Variants in CEP162 observed in about 807,000 individuals in gnomAD.
CEP162 encodes the protein centrosomal protein of 162 kDa.
CEP162 carries 141 observed loss-of-function variants against 169.2 expected under a neutral mutation model. That is an observed-to-expected ratio of 0.83 (90% CI 0.73 to 0.96). The LOEUF is 0.96. CEP162 is among the 40% of genes least tolerant of loss of function. The pLI is 0.00. For missense variants in CEP162, 1,600 were observed against 1,587.2 expected (o/e 1.01, Z -0.14); for synonymous variants, 540 against 526.4 (o/e 1.03, Z -0.35).
chr6:84,158,398 C>T (rs1290095210), intron 21 of CEP162, among the ~76,000 whole-genome samples: 3 of 152,020 alleles, frequency 2.0e-5, no homozygotes, highest in Non-Finnish European at 4.4e-5. Flanking sequence ...TTAAGAGTGC[C>T]CAGCATATAG....
At chr6:84,163,912 C>G (rs1249759543) in intron 18 of CEP162, among the ~76,000 whole-genome samples, 1 of 151,076 alleles carries the variant, frequency 6.6e-6, no homozygotes, top group Non-Finnish European at 1.5e-5. Flanking sequence ...TCAGAGTGAA[C>G]AGGCAACCTA....
intron 6 of CEP162, among the ~76,000 whole-genome samples, chr6:84,207,881 T>A (rs997877820): frequency 2.6e-5 from 4 of 152,158 alleles, no homozygotes; most frequent in African/African-American, 9.7e-5. Context: ...CCAAAGAATC[T>A]TGAATTACCT....
chr6:84,133,668 C>T (rs956221555), intron 25 of CEP162, among the ~76,000 whole-genome samples: 7 of 152,176 alleles, frequency 4.6e-5, no homozygotes, highest in African/African-American at 7.2e-5. Context: ...CTGAGCCATG[C>T]GCGGGATATA....
Position 84,174,763 on chromosome 6 carries a change from G to T in CEP162, c.1989C>A (p.Phe663Leu). ...ELKKQQEKEL[F>L]KLNQDNYILQ... ...GAATATAATTATCTTGATTCAATTT[G>T]AAGAGTTCTTTTTCCTGTTGTTTCT... Residue 663 changes from phenylalanine to leucine, a missense_variant, in exon 15 of 27, where the codon TTC (phenylalanine) becomes TTA (leucine). Physicochemically the swap from Phe to Leu is conservative, Grantham distance 22. Coordinates refer to ENST00000403245, the MANE Select transcript of CEP162 (RefSeq NM_014895.4). 1 of 1,452,988 alleles carries T rather than the reference G, an allele frequency of 6.9e-7. No homozygotes were observed. The highest frequency in any genetic ancestry group is 1.2e-5 in the South Asian group (1 of 80,622). The allele number at this position is 1,452,988 out of a possible 1,614,324, so 90.0% of individuals were successfully genotyped here.
chr6:84,210,947 G>A (rs182255490), intron 6 of CEP162, among the ~76,000 whole-genome samples: 3 of 151,684 alleles, frequency 2.0e-5, no homozygotes, highest in Admixed American at 6.6e-5. Flanking sequence ...ACCAGACAAG[G>A]CTCAATAATA....
chr6:84,192,531 G>A (rs921390069), intron 11 of CEP162, among the ~76,000 whole-genome samples: 1 of 152,194 alleles, frequency 6.6e-6, no homozygotes, highest in African/African-American at 2.4e-5. Flanking sequence ...TTTAGTGGAA[G>A]GTTCACTGCA....
At chr6:84,198,402 T>C (rs1482030580) in intron 9 of CEP162, among the ~76,000 whole-genome samples, 1 of 152,108 alleles carries the variant, frequency 6.6e-6, no homozygotes, top group Non-Finnish European at 1.5e-5. Context: ...CTCAGCCTTC[T>C]GCGTAGCTAC....
At chr6:84,188,103 CAAAAAAA>C (rs200434055) in intron 11 of CEP162, among the ~76,000 whole-genome samples, 1 of 80,590 alleles carries the variant, frequency 1.2e-5, no homozygotes, top group Admixed American at 1.3e-4. Context: ...GACTCCGTCT[CAAAAAAA>C]AAAAAAAAAA....
intron 2 of CEP162, among the ~76,000 whole-genome samples, chr6:84,221,985 A>G (rs1228586270): frequency 1.3e-5 from 2 of 151,794 alleles, no homozygotes; most frequent in Non-Finnish European, 2.9e-5. Flanking sequence ...TCAGCACTGC[A>G]TCTCCAGTGC....
At chr6:84,195,179 G>A in intron 9 of CEP162, 104 bp from the exon 10 acceptor site, 1 of 960,432 alleles carries the variant, frequency 1.0e-6, no homozygotes, top group Non-Finnish European at 1.5e-6. Context: ...TAAAAGTAGA[G>A]TTAAGTACTA....
intron 13 of CEP162, among the ~76,000 whole-genome samples, chr6:84,183,440 A>G (rs997731650): frequency 1.3e-5 from 2 of 152,098 alleles, no homozygotes; most frequent in African/African-American, 4.8e-5. Flanking sequence ...TCTTTCCTAG[A>G]CTATTATAAG....
Position 84,219,085 on chromosome 6 carries a change from G to A in CEP162, c.172+1972C>T, listed in dbSNP as rs534049861. The A allele has an allele frequency of 9.0e-4, 818 of 904,822 alleles. 9 individuals are homozygous for A. The South Asian group carries it at 0.012, about 13-fold the overall frequency. 56.0% of individuals were successfully genotyped at this position (904,822 alleles called of 1,614,324 possible). ...AATTATAATGTAAAAGCCGCTCACT[G>A]TTAATGTTTAATGGTACCTGTCTTA... On this transcript the variant is annotated intron_variant, in intron 3 of 26. Transcript: ENST00000403245.
At chr6:84,147,480 G>A (rs373965163) in intron 24 of CEP162, among the ~76,000 whole-genome samples, 1 of 152,098 alleles carries the variant, frequency 6.6e-6, no homozygotes, top group East Asian at 1.9e-4. Flanking sequence ...AACTAGAAGA[G>A]AGAGTTTGAA....
rs796461557 is a variant in CEP162, at chr6:84,204,170, T to C, written c.572-74A>G. ...TCAAATTCCAGGAAAAGGCTGTTGA[T>C]TTCGAAAGGAAGAAGTCTGTATAAG... On this transcript the variant is annotated intron_variant, in intron 6 of 26. Transcript: ENST00000403245. 1.2e-4 allele frequency: 104 copies of C among 845,546 alleles called. 1 individual carries two copies. In the African/African-American group the frequency reaches 1.6e-3, roughly 13 times the overall value. 52.4% of individuals were successfully genotyped at this position (845,546 alleles called of 1,614,324 possible).
At chr6:84,146,171 T>C (rs1438461740) in intron 25 of CEP162, among the ~76,000 whole-genome samples, 1 of 152,118 alleles carries the variant, frequency 6.6e-6, no homozygotes, top group Non-Finnish European at 1.5e-5. Context: ...CCAAATCTCT[T>C]CAAAGCTACC....
At chr6:84,176,642 T>C (rs1402634600) in intron 13 of CEP162, among the ~76,000 whole-genome samples, 1 of 152,194 alleles carries the variant, frequency 6.6e-6, no homozygotes, top group Non-Finnish European at 1.5e-5. Flanking sequence ...TACAGGAACG[T>C]TTAGGATTTT....
intron 13 of CEP162, 83 bp downstream of exon 13, chr6:84,185,104 A>G: frequency 8.0e-7 from 1 of 1,250,474 alleles, no homozygotes; most frequent in Non-Finnish European, 1.1e-6. Context: ...ATTGAATCTT[A>G]CAAATGGAAT....
chr6:84,169,880 G>C (rs1285997924), intron 17 of CEP162, among the ~76,000 whole-genome samples: 1 of 152,122 alleles, frequency 6.6e-6, no homozygotes, highest in Non-Finnish European at 1.5e-5. Context: ...CAATTTTCCT[G>C]TTATTCCAGA....
intron 10 of CEP162, among the ~76,000 whole-genome samples, chr6:84,194,354 CAA>C (rs569413628): frequency 5.3e-5 from 5 of 93,782 alleles, no homozygotes; most frequent in Admixed American, 1.1e-4. Context: ...GACTCCGTCT[CAA>C]AAAAAAAAAA....
Sources: allele counts gnomAD v4.1 joint callset (sites outside exome capture counted in the v4.1 genomes callset), GRCh38; gene constraint gnomAD v4.1.1; transcripts MANE v1.5; gene names NCBI Gene and HGNC (gene_info 2026-07-23, HGNC 2026-07-21).